DLGAP1: variants seen among roughly 807,000 people sequenced by gnomAD.
The protein encoded by DLGAP1 is disks large-associated protein 1.
Under a neutral mutation model 90.8 loss-of-function variants are expected in DLGAP1, and 11 were observed. The observed-to-expected ratio is 0.12, with a 90% confidence interval of 0.08 to 0.20. The LOEUF (loss-of-function observed/expected upper bound fraction) is 0.20. Among genes scored for constraint, DLGAP1 ranks in the 10% least tolerant of loss-of-function variants. The pLI, the probability that DLGAP1 is intolerant of heterozygous loss-of-function variation, is 1.00. For synonymous variants in DLGAP1, 558 were observed against 540.7 expected (o/e 1.03, Z -0.44); for missense variants, 1,050 against 1,333.8 (o/e 0.79, Z 3.31).
intron 3 of DLGAP1, among the ~76,000 whole-genome samples, chr18:3,969,844 C>T (rs16945722): frequency 0.092 from 13,935 of 152,076 alleles, 1,356 homozygotes; most frequent in African/African-American, 0.25. Flanking sequence ...ATGTGTTTCA[C>T]GTAAAGGGCC....
At chr18:4,066,109 T>C (rs1568377685) in intron 2 of DLGAP1, among the ~76,000 whole-genome samples, 1 of 152,166 alleles carries the variant, frequency 6.6e-6, no homozygotes, top group African/African-American at 2.4e-5. Flanking sequence ...GCTAGCCATA[T>C]GCAGAAGACT....
chr18:3,846,387 T>A (rs1434386089), intron 4 of DLGAP1, among the ~76,000 whole-genome samples: 4 of 152,204 alleles, frequency 2.6e-5, no homozygotes, highest in Admixed American at 2.0e-4. Flanking sequence ...ATTAAATGAT[T>A]GGTTTGTTTC....
chr18:3,914,702 T>C (rs531362623), intron 3 of DLGAP1, among the ~76,000 whole-genome samples: 3 of 152,288 alleles, frequency 2.0e-5, no homozygotes, highest in Non-Finnish European at 4.4e-5. Context: ...GGGTTCCCTT[T>C]TCTCTACACC....
intron 2 of DLGAP1, among the ~76,000 whole-genome samples, chr18:4,051,408 A>G (rs1417676690): frequency 2.0e-5 from 3 of 152,262 alleles, no homozygotes; most frequent in Non-Finnish European, 4.4e-5. Flanking sequence ...GTCTTTCTTC[A>G]CATGGCAGCA....
At chr18:4,071,728 T>C (rs980500130) in intron 2 of DLGAP1, among the ~76,000 whole-genome samples, 3 of 152,222 alleles carry the variant, frequency 2.0e-5, no homozygotes, top group African/African-American at 7.2e-5. Flanking sequence ...AGGATGGGTC[T>C]GGTTGTCTGA....
chr18:3,980,814 T>A (rs2073711930), intron 3 of DLGAP1, among the ~76,000 whole-genome samples: 1 of 152,256 alleles, frequency 6.6e-6, no homozygotes, highest in Non-Finnish European at 1.5e-5. Flanking sequence ...CATACACGTA[T>A]CATATATTCA....
chr18:4,096,085 T>C (rs1167940148), intron 2 of DLGAP1, among the ~76,000 whole-genome samples: 2 of 152,162 alleles, frequency 1.3e-5, no homozygotes, highest in African/African-American at 4.8e-5. Flanking sequence ...GAATGCAGTG[T>C]GGTGATCTCA....
intron 1 of DLGAP1, among the ~76,000 whole-genome samples, chr18:4,290,184 A>C (rs1236692500): frequency 6.6e-6 from 1 of 152,234 alleles, no homozygotes; most frequent in Non-Finnish European, 1.5e-5. Context: ...ACCATTTCAC[A>C]TCTTGCAAAA....
chr18:4,162,049 A>T (rs2076855074), intron 1 of DLGAP1, among the ~76,000 whole-genome samples: 1 of 152,136 alleles, frequency 6.6e-6, no homozygotes. Flanking sequence ...TTCAACAAAT[A>T]CTGAGTGGTT....
At chr18:3,799,319 A>G (rs1460007168) in intron 5 of DLGAP1, among the ~76,000 whole-genome samples, 1 of 152,102 alleles carries the variant, frequency 6.6e-6, no homozygotes, top group Non-Finnish European at 1.5e-5. Flanking sequence ...CTGGGACCCT[A>G]CAGGCATGGG....
At position 4,445,251 on chromosome 18, in the gene DLGAP1, A is replaced by C. The variant is rs191965430; in HGVS notation, c.-267+9755T>G. Among the ~76,000 whole-genome samples, 330 of 151,990 alleles carry C rather than the reference A, an allele frequency of 2.2e-3. 1 individual carries two copies. The highest frequency in any genetic ancestry group is 3.5e-3 in the Non-Finnish European group (241 of 67,950). ...CTACTCCCAATATCTTTACACTCCA[A>C]ATCTCTATTCACCCTATTCCCTCTC... On this transcript the variant is annotated intron_variant, in intron 1 of 12. Transcript: ENST00000315677.
intron 3 of DLGAP1, among the ~76,000 whole-genome samples, chr18:3,957,960 C>T (rs1174960433): frequency 1.4e-5 from 2 of 145,314 alleles, no homozygotes; most frequent in Admixed American, 1.4e-4. Context: ...ATGGTGTGAT[C>T]TCGGCTCACT....
At chr18:3,725,697 A>G (rs1346806786) in intron 7 of DLGAP1, among the ~76,000 whole-genome samples, 1 of 152,240 alleles carries the variant, frequency 6.6e-6, no homozygotes, top group Non-Finnish European at 1.5e-5. Context: ...TTACAGGCTG[A>G]AAGAACCTAA....
chr18:3,866,844 T>A (rs2070415841), intron 4 of DLGAP1, among the ~76,000 whole-genome samples: 1 of 152,168 alleles, frequency 6.6e-6, no homozygotes, highest in African/African-American at 2.4e-5. Context: ...AGTGTTATTT[T>A]TTATTTTATT....
chr18:4,024,611 C>G (rs1299062137), intron 2 of DLGAP1, among the ~76,000 whole-genome samples: 1 of 152,122 alleles, frequency 6.6e-6, no homozygotes, highest in Non-Finnish European at 1.5e-5. Flanking sequence ...TAGAAGGGGT[C>G]AGGGGAGTGC....
At chr18:4,079,130 A>G (rs9956896) in intron 2 of DLGAP1, among the ~76,000 whole-genome samples, 17,786 of 152,142 alleles carry the variant, frequency 0.12, 1,105 homozygotes, top group Middle Eastern at 0.15. Context: ...CCCAGCATAG[A>G]TGGGGCAGGC....
At chr18:3,984,612 C>G (rs1227713710) in intron 3 of DLGAP1, among the ~76,000 whole-genome samples, 1 of 152,182 alleles carries the variant, frequency 6.6e-6, no homozygotes, top group Non-Finnish European at 1.5e-5. Context: ...ATGCTTCTCA[C>G]AGCCAAGCAG....
chr18:3,749,186 GT>G (rs1377220804), intron 5 of DLGAP1, among the ~76,000 whole-genome samples: 1 of 112,628 alleles, frequency 8.9e-6, no homozygotes, highest in Non-Finnish European at 1.7e-5. Flanking sequence ...GTCTCACTCT[GT>G]TGCCCAGGCT....
intron 2 of DLGAP1, among the ~76,000 whole-genome samples, chr18:4,130,441 G>T (rs185722069): frequency 6.6e-6 from 1 of 152,316 alleles, no homozygotes; most frequent in African/African-American, 2.4e-5. Flanking sequence ...GTGACATCTA[G>T]ATGTGATTAG....
Sources: gnomAD v4.1 joint callset for allele counts (sites outside exome capture counted in the v4.1 genomes callset) on GRCh38, gnomAD v4.1.1 for gene constraint, MANE v1.5 for transcripts, NCBI Gene and HGNC (gene_info 2026-07-23, HGNC 2026-07-21) for gene names.